ABCC3: variants seen among roughly 807,000 people sequenced by gnomAD.
ABCC3 encodes the protein ATP-binding cassette sub-family C member 3.
Under a neutral mutation model 165.3 loss-of-function variants are expected in ABCC3, and 121 were observed. The observed-to-expected ratio is 0.73, with a 90% CI of 0.63 to 0.85. ABCC3 has a LOEUF of 0.85. Ranked by LOEUF, ABCC3 falls within the 40% of genes least tolerant of loss-of-function variation. The pLI is 0.00. For synonymous variants in ABCC3, 733 were observed against 810.1 expected (o/e 0.90, Z 1.62); for missense variants, 1,869 against 1,964.1 (o/e 0.95, Z 0.92).
chr17:50,684,359 G>T (rs1037967378), intron 28 of ABCC3, among the ~76,000 whole-genome samples: 4 of 152,114 alleles, frequency 2.6e-5, no homozygotes, highest in Admixed American at 6.6e-5. Flanking sequence ...ACCCCTCCAA[G>T]AACCCCTTCC....
chr17:50,687,239 C>T, intron 29 of ABCC3: 1 of 417,030 alleles, frequency 2.4e-6, no homozygotes, highest in Non-Finnish European at 4.4e-6. Context: ...AACATCACGG[C>T]ACTAGCTGAA....
chr17:50,643,438 A>G (rs1337340552), intron 1 of ABCC3: 1 of 433,280 alleles, frequency 2.3e-6, no homozygotes, highest in East Asian at 7.1e-5. Context: ...TGTACATGGT[A>G]CAACTTCTGC....
intron 22 of ABCC3, 37 bp from the exon 23 acceptor site, chr17:50,676,241 G>A: frequency 6.3e-7 from 1 of 1,597,632 alleles, no homozygotes; most frequent in Non-Finnish European, 8.5e-7. Flanking sequence ...CCGCTCACTA[G>A]TCCAGGTGAG....
chr17:50,660,860 C>A, intron 7 of ABCC3, 63 bp from the exon 8 acceptor site: 1 of 1,479,042 alleles, frequency 6.8e-7, no homozygotes, highest in Non-Finnish European at 9.1e-7. Context: ...CCCAGCCTAG[C>A]CCTTGGCTTC....
In ABCC3 at chr17:50,676,483, C is replaced by T; in HGVS notation, c.3273C>T (p.Leu1091=). 1 of 1,613,810 alleles carries T rather than the reference C, an allele frequency of 6.2e-7. No homozygotes were observed. Among genetic ancestry groups the T allele is most frequent in the Non-Finnish European group, 8.5e-7 (1 of 1,179,954 alleles). The change falls in exon 23 of 31, where the codon CTC becomes CTT. Residue 1091 remains leucine (L), a synonymous_variant. Coordinates refer to ENST00000285238, the MANE Select transcript of ABCC3 (RefSeq NM_003786.4). ...TGGCCCCTGTCATCCTCATGCTGCTCAATTCCTTCTTCAACGCCATCTCCA... is the reference window on the plus strand; with the variant it reads ...TGGCCCCTGTCATCCTCATGCTGCTTAATTCCTTCTTCAACGCCATCTCCA... ...EVLAPVILML[L]NSFFNAISTL...
In ABCC3 at chr17:50,678,126, C is replaced by G. The variant is rs1423612785; in HGVS notation, c.3612C>G (p.Asn1204Lys). 3 of 1,583,558 alleles carry G rather than the reference C, an allele frequency of 1.9e-6. No individual in the cohort carries two copies. The highest frequency in any genetic ancestry group is 2.6e-6 in the Non-Finnish European group (3 of 1,164,604). Residue 1204 changes from asparagine (N) to lysine (K), a missense_variant, in exon 25 of 31, where the codon AAC becomes AAG. Coordinates refer to ENST00000285238, the MANE Select transcript of ABCC3 (RefSeq NM_003786.4). ...WLSIGVEFVGNCVVLFAALFA... is the reference protein window; with the variant it reads ...WLSIGVEFVGKCVVLFAALFA... ...GCATCGGAGTGGAGTTCGTGGGGAACTGCGTGGTGCTCTTTGCTGCACTAT... is the reference window on the plus strand; with the variant it reads ...GCATCGGAGTGGAGTTCGTGGGGAAGTGCGTGGTGCTCTTTGCTGCACTAT...
intron 1 of ABCC3, among the ~76,000 whole-genome samples, chr17:50,642,463 G>A (rs950836873): frequency 6.6e-5 from 10 of 152,242 alleles, no homozygotes; most frequent in Middle Eastern, 3.2e-3. Context: ...TTGCCACAGA[G>A]CAGGTGTCTG....
Position 50,677,791 on chromosome 17 carries a change from C to T in ABCC3, c.3426C>T (p.Val1142=), listed in dbSNP as rs1967850436. The T allele has an allele frequency of 1.2e-6, 2 of 1,614,032 alleles. No homozygotes were observed. The highest frequency in any genetic ancestry group is 2.2e-5 in the South Asian group (2 of 91,074). ...GGCAACTGAAGCGGCTGGAATCAGT[C>T]AGCCGCTCACCTATCTACTCCCACT... ...TSRQLKRLES[V]SRSPIYSHFS... is the part of the protein sequence containing the mutation. The change falls in exon 24 of 31, where the codon GTC becomes GTT. Residue 1142 remains valine (V), a synonymous_variant. Coordinates refer to ENST00000285238, the MANE Select transcript of ABCC3 (RefSeq NM_003786.4).
chr17:50,635,607 G>T (rs537430264), intron 1 of ABCC3: 2 of 702,610 alleles, frequency 2.8e-6, no homozygotes, highest in Non-Finnish European at 5.2e-6. Context: ...GACAGGTGCA[G>T]GGTGTCAGGA....
chr17:50,683,925 G>C, intron 27 of ABCC3, 24 bp from the exon 28 acceptor site: 8 of 1,609,612 alleles, frequency 5.0e-6, no homozygotes, highest in Non-Finnish European at 5.9e-6. Flanking sequence ...TTCCCCCTCA[G>C]AGCCCCTTCC....
rs1020000343 is a variant in ABCC3, at chr17:50,678,129, C to G, written c.3615C>G (p.Cys1205Trp). 6.3e-7 allele frequency: 1 copy of G among 1,582,780 alleles called. No homozygotes were observed. ...LSIGVEFVGN[C>W]VVLFAALFAV... The stretch of plus-strand genomic sequence containing the variant: ...TCGGAGTGGAGTTCGTGGGGAACTG[C>G]GTGGTGCTCTTTGCTGCACTATTTG... Residue 1205 changes from cysteine to tryptophan, a missense_variant, in exon 25 of 31, where the codon TGC becomes TGG. Cys to Trp is a radical substitution (Grantham distance 215, BLOSUM62 -2). Coordinates refer to ENST00000285238, the MANE Select transcript of ABCC3 (RefSeq NM_003786.4).
chr17:50,668,653 C>G (rs1043861252), intron 14 of ABCC3, 136 bp downstream of exon 14: 1 of 798,478 alleles, frequency 1.3e-6, no homozygotes, highest in African/African-American at 1.7e-5. Context: ...CTGACCTCCT[C>G]CCTCTTCCGG....
At chr17:50,684,369 C>A (rs551294666) in intron 28 of ABCC3, among the ~76,000 whole-genome samples, 1 of 152,312 alleles carries the variant, frequency 6.6e-6, no homozygotes, top group East Asian at 1.9e-4. Flanking sequence ...GAACCCCTTC[C>A]CCCGAGACAT....
intron 26 of ABCC3, among the ~76,000 whole-genome samples, chr17:50,683,333 C>A (rs1196262659): frequency 3.4e-5 from 5 of 148,452 alleles, no homozygotes; most frequent in Non-Finnish European, 3.0e-5. Flanking sequence ...ATGATTGAGA[C>A]CCTGTCTCTC....
At chr17:50,643,065 G>A (rs1355776129) in intron 1 of ABCC3, among the ~76,000 whole-genome samples, 3 of 152,224 alleles carry the variant, frequency 2.0e-5, no homozygotes, top group Non-Finnish European at 4.4e-5. Flanking sequence ...AGAAACATTA[G>A]GGGCCTTTAT....
intron 26 of ABCC3, among the ~76,000 whole-genome samples, chr17:50,682,345 T>TAAAAA (rs35507460): frequency 7.6e-6 from 1 of 131,586 alleles, no homozygotes. Context: ...CCAAGAGATT[T>TAAAAA]AAAAAAAAAA....
intron 12 of ABCC3, 41 bp from the exon 13 acceptor site, chr17:50,667,822 C>A (rs1210223930): frequency 1.2e-6 from 2 of 1,613,576 alleles, no homozygotes; most frequent in Admixed American, 1.7e-5. Flanking sequence ...ATGGCCAGGG[C>A]TCATTGGACT....
chr17:50,683,432 G>T (rs1967960377), intron 26 of ABCC3, among the ~76,000 whole-genome samples, 178 bp from the exon 27 acceptor site: 1 of 151,820 alleles, frequency 6.6e-6, no homozygotes. Context: ...AGGTCTGTGG[G>T]GAATAAAGTC....
chr17:50,673,069 G>A lies in ABCC3; in HGVS notation c.2340G>A (p.Ala780=), dbSNP rs369527081. ...DIFLLDDPLS[A]VDSHVAKHIF... ...TCTTGCTGGATGACCCACTGTCCGC[G>A]GTGGACTCTCATGTGGCCAAGCACA... The change falls in exon 18 of 31, where the codon GCG becomes GCA. Residue 780 remains alanine (A), a synonymous_variant. Transcript: ENST00000285238. 1.3e-5 allele frequency: 21 copies of A among 1,614,128 alleles called. No individual in the cohort carries two copies. The highest frequency in any genetic ancestry group is 4.5e-5 in the East Asian group (2 of 44,880).
Sources: allele counts gnomAD v4.1 joint callset (sites outside exome capture counted in the v4.1 genomes callset), GRCh38; gene constraint gnomAD v4.1.1; transcripts MANE v1.5; gene names NCBI Gene and HGNC (gene_info 2026-07-23, HGNC 2026-07-21).